The following CDC42EP2 variants were observed in gnomAD, a reference collection of about 807,000 sequenced individuals.
CDC42EP2 encodes CDC42 effector protein (Rho GTPase binding) 2.
A neutral mutation model predicts 7.3 loss-of-function variants in CDC42EP2; 5 were observed. That is an observed-to-expected ratio of 0.68 (90% CI 0.36 to 1.44). The LOEUF (loss-of-function observed/expected upper bound fraction) is 1.44. Ranked by LOEUF, CDC42EP2 falls within the 40% of genes most tolerant of loss-of-function variation. The probability of loss-of-function intolerance (pLI) is 0.04; values close to 1 mark genes in which losing one functional copy is unlikely to be tolerated. For synonymous variants in CDC42EP2, 113 were observed against 123.6 expected (o/e 0.91, Z 0.57); for missense variants, 251 against 282.6 (o/e 0.89, Z 0.80).
At chr11:65,319,132 ATTT>A (rs35711764) in intron 1 of CDC42EP2, among the ~76,000 whole-genome samples, 1 of 134,026 alleles carries the variant, frequency 7.5e-6, no homozygotes, top group Non-Finnish European at 1.6e-5. Context: ...GACACCTCTG[ATTT>A]TTTTTTTTTT....
rs1251783043 is a variant in CDC42EP2 at position 65,321,224 on chromosome 11, C to G, written c.326C>G (p.Ser109Cys). The change falls in exon 2 of 2, where the codon TCC becomes TGC. Residue 109 changes from serine to cysteine, a missense_variant. Coordinates refer to ENST00000279249, the MANE Select transcript of CDC42EP2 (RefSeq NM_006779.4). The surrounding 1 kb of genome is among the most constrained non-coding windows in gnomAD (Gnocchi z 4.4). Reference sequence around the variant, plus strand: ...TCCCCTCTGCTCAAGAACGCCATCTCCCTCCCGGTTATCGGTGGACCCCAG... The same window carrying G: ...TCCCCTCTGCTCAAGAACGCCATCTGCCTCCCGGTTATCGGTGGACCCCAG... ...GPSPLLKNAI[S>C]LPVIGGPQAL... The G allele has an allele frequency of 1.2e-6, 2 of 1,614,000 alleles. No homozygotes were observed. Among genetic ancestry groups the G allele is most frequent in the Admixed American group, 3.3e-5 (2 of 60,030 alleles).
At chr11:65,318,880 T>C (rs1266109445) in intron 1 of CDC42EP2, among the ~76,000 whole-genome samples, 1 of 115,974 alleles carries the variant, frequency 8.6e-6, no homozygotes, top group Non-Finnish European at 1.7e-5. Context: ...TTTTTTTTTT[T>C]TTTTTTTTTT....
chr11:65,319,330 A>G (rs779958311), intron 1 of CDC42EP2, among the ~76,000 whole-genome samples: 5 of 151,646 alleles, frequency 3.3e-5, no homozygotes, highest in Non-Finnish European at 5.9e-5. Flanking sequence ...GGGTTTCACC[A>G]TGTTAGCTAG....
chr11:65,320,743 G>A lies in CDC42EP2; in HGVS notation c.-156G>A, dbSNP rs1373328911. The A allele has an allele frequency of 7.5e-6, 5 of 669,538 alleles. No individual in the cohort carries two copies. The highest frequency in any genetic ancestry group is 1.2e-5 in the Non-Finnish European group (5 of 401,068). 41.5% of individuals were successfully genotyped at this position (669,538 alleles called of 1,614,324 possible). ...TTAATTCCTTGGGCCAACTTTGTTCGTGCCCCCACACTGTAGCCAGAAGCC... is the reference window on the plus strand; with the variant it reads ...TTAATTCCTTGGGCCAACTTTGTTCATGCCCCCACACTGTAGCCAGAAGCC... On this transcript the variant is annotated 5_prime_UTR_variant, in exon 2 of 2. In the 5' UTR this introduces an upstream ATG that the reference lacks. Coordinates refer to ENST00000279249, the MANE Select transcript of CDC42EP2 (RefSeq NM_006779.4).
chr11:65,315,506 A>AG lies in CDC42EP2; in HGVS notation c.-356+558dup, dbSNP rs935003450. 3.3e-5 allele frequency among the ~76,000 whole-genome samples: 5 copies of AG among 152,212 alleles called. No individual in the cohort carries two copies. Among genetic ancestry groups the AG allele is most frequent in the African/African-American group, 1.2e-4 (5 of 41,464 alleles). On this transcript the variant is annotated intron_variant, in intron 1 of 1. Coordinates refer to ENST00000279249, the MANE Select transcript of CDC42EP2 (RefSeq NM_006779.4). The surrounding 1 kb of genome is among the most constrained non-coding windows in gnomAD (Gnocchi z 4.1). ...GGACATCGCCCAGGCCGGAAAGCAC[A>AG]GGGGGGAGGCTCCTCCCAGAGCTTG... is the stretch of plus-strand genomic sequence containing the variant.
chr11:65,321,039 C>T lies in CDC42EP2; in HGVS notation c.141C>T (p.Gly47=), dbSNP rs778016505. ...ACACCATTCATATTGGCAGTGGCGGCGGCAGTGACATGTTTGGCGACATCT... is the reference window on the plus strand; with the variant it reads ...ACACCATTCATATTGGCAGTGGCGGTGGCAGTGACATGTTTGGCGACATCT... ...FRHTIHIGSG[G]GSDMFGDISF... The change falls in exon 2 of 2, where the codon GGC becomes GGT. Residue 47 remains glycine (G), a synonymous_variant. Coordinates refer to ENST00000279249, the MANE Select transcript of CDC42EP2 (RefSeq NM_006779.4). The surrounding 1 kb of genome is among the most constrained non-coding windows in gnomAD (Gnocchi z 4.4). 6.2e-6 allele frequency: 10 copies of T among 1,614,046 alleles called. No individual in the cohort carries two copies. Among genetic ancestry groups the T allele is most frequent in the Non-Finnish European group, 4.2e-6 (5 of 1,180,040 alleles).
rs572440717 is a variant in CDC42EP2 at position 65,315,604 on chromosome 11, T to G, written c.-356+650T>G. Among the ~76,000 whole-genome samples, 1 of 152,328 alleles carries G rather than the reference T, an allele frequency of 6.6e-6. No individual in the cohort carries two copies. Among genetic ancestry groups the G allele is most frequent in the Non-Finnish European group, 1.5e-5 (1 of 68,022 alleles). On this transcript the variant is annotated intron_variant, in intron 1 of 1. Coordinates refer to ENST00000279249, the MANE Select transcript of CDC42EP2 (RefSeq NM_006779.4). This position sits in a 1 kb window ranked among gnomAD's most constrained non-coding sequence, Gnocchi z 4.1. ...GACCAGAAACCCCGAAGCAAAAAGA[T>G]CTCGCAGGTAATCCCCATCTGGTAC...
chr11:65,318,698 C>T (rs910379078), intron 1 of CDC42EP2, among the ~76,000 whole-genome samples: 40 of 151,628 alleles, frequency 2.6e-4, no homozygotes, highest in Non-Finnish European at 4.4e-4. Flanking sequence ...GCTGGGATTA[C>T]AGGCGTGAAC....
intron 1 of CDC42EP2, chr11:65,317,322 T>G (rs1949952553): frequency 6.6e-6 from 1 of 152,416 alleles, no homozygotes; most frequent in African/African-American, 2.4e-5. Context: ...AGCAAGGGCC[T>G]CAGCTGGTGG....
intron 1 of CDC42EP2, among the ~76,000 whole-genome samples, chr11:65,316,629 G>C (rs552664079): frequency 1.3e-5 from 2 of 152,330 alleles, no homozygotes; most frequent in African/African-American, 4.8e-5. Flanking sequence ...CATCTCTGAG[G>C]TTCAGCTTCG....
At chr11:65,319,862 A>C (rs759396312) in intron 1 of CDC42EP2, among the ~76,000 whole-genome samples, 19 of 152,222 alleles carry the variant, frequency 1.2e-4, no homozygotes, top group Admixed American at 3.3e-4. Context: ...TGGCACTTAC[A>C]TTGTGGGGCA....
chr11:65,316,682 GGAGCT>G (rs758375644), intron 1 of CDC42EP2, among the ~76,000 whole-genome samples: 2 of 152,160 alleles, frequency 1.3e-5, no homozygotes, highest in Non-Finnish European at 1.5e-5. Flanking sequence ...GCCGTGACTG[GGAGCT>G]TTAAGATGAG....
intron 1 of CDC42EP2, among the ~76,000 whole-genome samples, chr11:65,319,359 A>G (rs1277783776): frequency 1.3e-5 from 2 of 151,448 alleles, no homozygotes; most frequent in East Asian, 3.9e-4. Flanking sequence ...TGATCTCCTG[A>G]CCTCGTGATC....
At chr11:65,318,517 G>A (rs1488154949) in intron 1 of CDC42EP2, among the ~76,000 whole-genome samples, 6 of 149,964 alleles carry the variant, frequency 4.0e-5, no homozygotes, top group East Asian at 3.9e-4. Context: ...TCTGCCTCCC[G>A]GGTTCACGCC....
chr11:65,318,061 C>A (rs1276644687), intron 1 of CDC42EP2, among the ~76,000 whole-genome samples: 1 of 151,276 alleles, frequency 6.6e-6, no homozygotes, highest in African/African-American at 2.4e-5. Context: ...GGCTGGCCTT[C>A]TAGATTTTTC....
chr11:65,317,555 T>TG (rs1949953743), intron 1 of CDC42EP2, among the ~76,000 whole-genome samples: 1 of 152,140 alleles, frequency 6.6e-6, no homozygotes, highest in African/African-American at 2.4e-5. Flanking sequence ...CCTTACTCAC[T>TG]GGGTGACCTT....
chr11:65,321,857 T>C lies in CDC42EP2; in HGVS notation c.*326T>C. 3.9e-6 allele frequency: 1 copy of C among 255,304 alleles called. No individual in the cohort carries two copies. Among genetic ancestry groups the C allele is most frequent in the Non-Finnish European group, 8.2e-6 (1 of 122,202 alleles). 15.8% of individuals were successfully genotyped at this position (255,304 alleles called of 1,614,324 possible). A position where few individuals can be genotyped will look rare whatever the true frequency, so the allele number is the denominator to read the frequency against. ...GCTTTGCTGAAACCGACCCCCCTTT[T>C]CACGTCCCTTCTGCCTCTGCCCCGT... On this transcript the variant is annotated 3_prime_UTR_variant, in exon 2 of 2. Transcript: ENST00000279249. The surrounding 1 kb of genome is among the most constrained non-coding windows in gnomAD (Gnocchi z 4.4).
intron 1 of CDC42EP2, among the ~76,000 whole-genome samples, chr11:65,316,258 C>A (rs1161564593): frequency 6.6e-6 from 1 of 152,142 alleles, no homozygotes; most frequent in African/African-American, 2.4e-5. Flanking sequence ...GTCATTTTCT[C>A]ATTGGGAGGT....
Position 65,315,131 on chromosome 11 carries a change from C to T in CDC42EP2, c.-356+177C>T, listed in dbSNP as rs1319745808. Among the ~76,000 whole-genome samples, 1 of 152,172 alleles carries T rather than the reference C, an allele frequency of 6.6e-6. No individual in the cohort carries two copies. The highest frequency in any genetic ancestry group is 1.5e-5 in the Non-Finnish European group (1 of 68,004). On this transcript the variant is annotated intron_variant, in intron 1 of 1. Transcript: ENST00000279249. This position sits in a 1 kb window ranked among gnomAD's most constrained non-coding sequence, Gnocchi z 4.1. ...GCATCTGGGTTCCCGCAGCCTCGCC[C>T]GTGCCCGCCACGGTCCGTGGGGGCG...
Sources: allele counts gnomAD v4.1 joint callset (sites outside exome capture counted in the v4.1 genomes callset), GRCh38; gene constraint gnomAD v4.1.1; non-coding constraint Gnocchi (gnomAD v3.1); transcripts MANE v1.5; gene names NCBI Gene and HGNC (gene_info 2026-07-23, HGNC 2026-07-21).